The following CHST15 variants were observed in gnomAD, a reference collection of about 807,000 sequenced individuals.
CHST15 encodes B cell RAG associated protein (GALNAC4S-6ST).
CHST15 carries 30 observed loss-of-function variants against 53.6 expected under a neutral mutation model. The observed-to-expected ratio is 0.56, with a 90% CI of 0.42 to 0.76. CHST15 has a LOEUF of 0.76. Among genes scored for constraint, CHST15 ranks in the 30% least tolerant of loss-of-function variants. The probability of loss-of-function intolerance (pLI) is 0.00; values close to 1 mark genes in which losing one functional copy is unlikely to be tolerated. For synonymous variants in CHST15, 296 were observed against 289.8 expected (o/e 1.02, Z -0.22); for missense variants, 627 against 740.5 (o/e 0.85, Z 1.78).
Position 124,008,357 on chromosome 10 carries a change from A to ACACACG in CHST15, c.*1791_*1792insCGTGTG, listed in dbSNP as rs1027586469. ...CACACGTGCGCGTACACACACACAC[A>ACACACG]CGCGCGCACTGTACTGCAAATAAAT... On this transcript the variant is annotated 3_prime_UTR_variant, in exon 8 of 8. Coordinates refer to ENST00000435907, the MANE Select transcript of CHST15 (RefSeq NM_001270764.2). 1 of 1,017,618 alleles carries ACACACG rather than the reference A, an allele frequency of 9.8e-7. No individual in the cohort carries two copies. The highest frequency in any genetic ancestry group is 5.7e-5 in the Admixed American group (1 of 17,552). The allele number at this position is 1,017,618 out of a possible 1,614,324, so 63.0% of individuals were successfully genotyped here. A position where few individuals can be genotyped will look rare whatever the true frequency, so the allele number is the denominator to read the frequency against.
intron 5 of CHST15, among the ~76,000 whole-genome samples, chr10:124,033,621 C>G (rs1413579891): frequency 1.3e-5 from 2 of 152,250 alleles, no homozygotes; most frequent in African/African-American, 2.4e-5. Context: ...AGCAGACGCT[C>G]TAGCTTGCTG....
At chr10:124,032,503 CT>C (rs1429635822) in intron 5 of CHST15, among the ~76,000 whole-genome samples, 1 of 152,144 alleles carries the variant, frequency 6.6e-6, no homozygotes, top group Admixed American at 6.5e-5. Context: ...CTATAACTGC[CT>C]CTGAATTAAG....
chr10:124,040,638 G>A (rs1947697366), intron 4 of CHST15, among the ~76,000 whole-genome samples: 1 of 152,210 alleles, frequency 6.6e-6, no homozygotes, highest in Non-Finnish European at 1.5e-5. Flanking sequence ...TCACATTTCA[G>A]AGCTGGAAGG....
At chr10:124,090,449 T>C (rs1015767913) in intron 1 of CHST15, among the ~76,000 whole-genome samples, 3 of 152,198 alleles carry the variant, frequency 2.0e-5, no homozygotes, top group Non-Finnish European at 4.4e-5. Context: ...AGTCCAGCAC[T>C]AATCTACAGC....
intron 6 of CHST15, among the ~76,000 whole-genome samples, chr10:124,016,793 G>A (rs781582611): frequency 6.6e-6 from 1 of 152,200 alleles, no homozygotes; most frequent in Admixed American, 6.5e-5. Context: ...GCTTGGGACA[G>A]GGGCTGGCAG....
rs978765167 is a variant in CHST15, at chr10:124,074,650, C to T, written c.-513+18819G>A. Reference sequence around the variant, plus strand: ...ACCTGGAGCTCTCCAATGCACCCCGCGCCTCTGCCAGACTGGGCTCACGGC... The same window carrying T: ...ACCTGGAGCTCTCCAATGCACCCCGTGCCTCTGCCAGACTGGGCTCACGGC... On this transcript the variant is annotated intron_variant, in intron 1 of 7. Transcript: ENST00000435907. This position sits in a 1 kb window ranked among gnomAD's most constrained non-coding sequence, Gnocchi z 4.4. Among the ~76,000 whole-genome samples, 6 of 152,214 alleles carry T rather than the reference C, an allele frequency of 3.9e-5. No homozygotes were observed. The highest frequency in any genetic ancestry group is 5.9e-5 in the Non-Finnish European group (4 of 68,032).
At chr10:124,047,869 C>T (rs1948058329) in intron 1 of CHST15, among the ~76,000 whole-genome samples, 1 of 152,198 alleles carries the variant, frequency 6.6e-6, no homozygotes, top group African/African-American at 2.4e-5. Context: ...AGATCCTATA[C>T]CACATGATTA....
intron 5 of CHST15, among the ~76,000 whole-genome samples, 184 bp downstream of exon 5, chr10:124,038,331 C>A (rs561849414): frequency 8.5e-5 from 13 of 152,220 alleles, no homozygotes; most frequent in Admixed American, 3.3e-4. Context: ...GTCTTGAACT[C>A]CTGACCTCAG....
chr10:124,078,229 C>G (rs1949134460), intron 1 of CHST15, among the ~76,000 whole-genome samples: 1 of 152,142 alleles, frequency 6.6e-6, no homozygotes, highest in Admixed American at 6.5e-5. Context: ...AAGGAGGGAG[C>G]CCGGCAAGGT....
Position 124,021,238 on chromosome 10 carries a change from G to GGGA in CHST15, c.1347+17_1347+18insTCC, listed in dbSNP as rs755457867. 7.8e-6 allele frequency: 6 copies of GGGA among 770,898 alleles called. 1 individual carries two copies. The highest frequency in any genetic ancestry group is 1.0e-5 in the Non-Finnish European group (6 of 588,102). 47.8% of individuals were successfully genotyped at this position (770,898 alleles called of 1,614,324 possible). On this transcript the variant is annotated intron_variant, in intron 6 of 7. Transcript: ENST00000435907. ...GCCAGGGGCCAGCTCGGGGGGTACG[G>GGGA]GGGGGGGGGGTACACACAGGCATGG...
At position 124,008,247 on chromosome 10, in the gene CHST15, G is replaced by A. The variant is rs1479172839; in HGVS notation, c.*1902C>T. ...TGAAAATGACAAGTTAATTGGCAGA[G>A]AAATTAATCTATAAAAGGGTTGTGT... On this transcript the variant is annotated 3_prime_UTR_variant, in exon 8 of 8. Coordinates refer to ENST00000435907, the MANE Select transcript of CHST15 (RefSeq NM_001270764.2). The A allele has an allele frequency of 6.6e-6, 8 of 1,208,716 alleles. No homozygotes were observed. The highest frequency in any genetic ancestry group is 8.2e-6 in the Non-Finnish European group (8 of 974,064). The allele number at this position is 1,208,716 out of a possible 1,614,324, so 74.9% of individuals were successfully genotyped here.
At chr10:124,037,754 G>T (rs7070310) in intron 5 of CHST15, among the ~76,000 whole-genome samples, 36,905 of 151,954 alleles carry the variant, frequency 0.24, 4,813 homozygotes, top group African/African-American at 0.31. Flanking sequence ...GCTCTGCTCA[G>T]CATTGTTCTT....
At chr10:124,073,494 G>A (rs1030609034) in intron 1 of CHST15, among the ~76,000 whole-genome samples, 11 of 152,206 alleles carry the variant, frequency 7.2e-5, no homozygotes, top group African/African-American at 1.2e-4. Flanking sequence ...GGTTGCATAG[G>A]TGAGTTCTGT....
intron 7 of CHST15, chr10:124,011,633 G>A (rs901543944): frequency 3.1e-5 from 31 of 985,284 alleles, no homozygotes; most frequent in African/African-American, 3.0e-4. Flanking sequence ...CACTCGCTCC[G>A]CCAGCACATG....
chr10:124,091,859 C>A (rs1161272326), intron 1 of CHST15, among the ~76,000 whole-genome samples: 2 of 152,230 alleles, frequency 1.3e-5, no homozygotes, highest in Non-Finnish European at 2.9e-5. Context: ...AGCCGGCAAC[C>A]CAGCCCCAGC....
At chr10:124,045,264 ATATTT>A (rs1430612552) in intron 2 of CHST15, among the ~76,000 whole-genome samples, 1 of 152,118 alleles carries the variant, frequency 6.6e-6, no homozygotes, top group African/African-American at 2.4e-5. Flanking sequence ...TACTAGTTGT[ATATTT>A]AAATTGCCGT....
rs778807948 is a variant in CHST15, at chr10:124,010,185, G to A, written c.1650C>T (p.Val550=). ...TCCACGCAAACGCCTCATCCGCGAG[G>A]ACCTGCGCCAGCCTAGCGTTGAAGG... ...YRPFNARLAQ[V]LADEAFAWKT... The change falls in exon 8 of 8, where the codon GTC becomes GTT. Residue 550 remains valine (V), a synonymous_variant. Transcript: ENST00000435907. The A allele has an allele frequency of 6.2e-7, 1 of 1,613,740 alleles. No individual in the cohort carries two copies. Among genetic ancestry groups the A allele is most frequent in the Non-Finnish European group, 8.5e-7 (1 of 1,180,050 alleles).
At chr10:124,043,375 C>T (rs529731611) in intron 3 of CHST15, among the ~76,000 whole-genome samples, 5 of 152,330 alleles carry the variant, frequency 3.3e-5, no homozygotes, top group African/African-American at 1.2e-4. Context: ...CCTACAGTGG[C>T]GGCTGCTAAA....
At chr10:124,059,293 A>C (rs1279569450) in intron 1 of CHST15, among the ~76,000 whole-genome samples, 1 of 152,122 alleles carries the variant, frequency 6.6e-6, no homozygotes, top group Non-Finnish European at 1.5e-5. Context: ...ATCAAACCTC[A>C]ATTACCAGGA....
Sources: gnomAD v4.1 joint callset for allele counts (sites outside exome capture counted in the v4.1 genomes callset) on GRCh38, gnomAD v4.1.1 for gene constraint, Gnocchi (gnomAD v3.1) non-coding constraint, MANE v1.5 for transcripts, NCBI Gene and HGNC (gene_info 2026-07-23, HGNC 2026-07-21) for gene names.